Variants in GORASP2 observed in about 807,000 individuals in gnomAD.
The protein encoded by GORASP2 is golgi reassembly stacking protein 2.
GORASP2 carries 22 observed loss-of-function variants against 45.7 expected under a neutral mutation model. The ratio of observed to expected loss-of-function variants is 0.48; its 90% CI spans 0.34 to 0.69. The LOEUF (loss-of-function observed/expected upper bound fraction) is 0.69, where lower values mean the gene tolerates loss of function less well. GORASP2 is among the 30% of genes least tolerant of loss of function. GORASP2 has a pLI of 0.01. For missense variants in GORASP2, 491 were observed against 562.7 expected (o/e 0.87, Z 1.29); for synonymous variants, 221 against 215.6 (o/e 1.02, Z -0.22).
intron 5 of GORASP2, chr2:170,954,340 A>G (rs549494463): frequency 4.6e-6 from 1 of 217,028 alleles, no homozygotes; most frequent in African/African-American, 2.3e-5. Context: ...GGGGAGATAG[A>G]TAGTAAATAA....
chr2:170,951,850 C>G (rs1704307489), intron 5 of GORASP2, among the ~76,000 whole-genome samples: 1 of 152,214 alleles, frequency 6.6e-6, no homozygotes, highest in African/African-American at 2.4e-5. Flanking sequence ...CTCACAGTAT[C>G]TTTACCCACA....
At chr2:170,936,794 G>A in intron 1 of GORASP2, 1 of 439,958 alleles carries the variant, frequency 2.3e-6, no homozygotes, top group Non-Finnish European at 4.4e-6. Flanking sequence ...CTCAATAAAA[G>A]CAAAATTGTC....
intron 1 of GORASP2, among the ~76,000 whole-genome samples, chr2:170,947,426 C>A (rs767369449): frequency 6.6e-6 from 1 of 152,184 alleles, no homozygotes; most frequent in Admixed American, 6.5e-5. Flanking sequence ...TTTGAATGTT[C>A]TACCCTCTTT....
At chr2:170,943,704 G>C (rs1704125135) in intron 1 of GORASP2, among the ~76,000 whole-genome samples, 1 of 152,064 alleles carries the variant, frequency 6.6e-6, no homozygotes. Flanking sequence ...ATGGAGCCTT[G>C]CTCTGTCGCC....
chr2:170,936,674 C>T (rs1318582418), intron 1 of GORASP2: 2 of 1,293,278 alleles, frequency 1.5e-6, no homozygotes, highest in Non-Finnish European at 2.0e-6. Flanking sequence ...GAAGCTTAAG[C>T]CGGGCATAAT....
At chr2:170,963,561 T>G (rs544504119) in intron 9 of GORASP2, among the ~76,000 whole-genome samples, 2 of 143,632 alleles carry the variant, frequency 1.4e-5, no homozygotes, top group South Asian at 4.4e-4. Flanking sequence ...TTAATGAAAG[T>G]GTACAGGCTG....
Position 170,954,789 on chromosome 2 carries a change from T to A in GORASP2, c.699+7T>A. 1 of 1,607,194 alleles carries A rather than the reference T, an allele frequency of 6.2e-7. No homozygotes were observed. The highest frequency in any genetic ancestry group is 8.5e-7 in the Non-Finnish European group (1 of 1,175,928). On this transcript the variant is annotated splice_region_variant and intron_variant, in intron 6 of 9. Transcript: ENST00000234160. ...TAAAGATGGGTTTACAGAGGTAAGA[T>A]CACGTTCCTACCTGAGTATATCATA... is the stretch of plus-strand genomic sequence containing the variant.
At chr2:170,930,483 C>T (rs1259562847) in intron 1 of GORASP2, among the ~76,000 whole-genome samples, 3 of 152,182 alleles carry the variant, frequency 2.0e-5, no homozygotes, top group African/African-American at 7.2e-5. Context: ...ACCTTCATTT[C>T]CTGCCCTGGG....
At chr2:170,960,355 G>A (rs559464236) in intron 7 of GORASP2, among the ~76,000 whole-genome samples, 12 of 152,214 alleles carry the variant, frequency 7.9e-5, no homozygotes, top group Non-Finnish European at 1.3e-4. Flanking sequence ...ACCTGCCTTC[G>A]AAAAATTGTT....
chr2:170,956,306 G>A, intron 6 of GORASP2, 130 bp from the exon 7 acceptor site: 1 of 723,496 alleles, frequency 1.4e-6, no homozygotes. Context: ...AGGCAGACGT[G>A]CCAGATGAAG....
intron 6 of GORASP2, among the ~76,000 whole-genome samples, chr2:170,955,902 A>G (rs1188056890): frequency 6.6e-6 from 1 of 151,916 alleles, no homozygotes; most frequent in East Asian, 1.9e-4. Flanking sequence ...GTCCATAGAG[A>G]CTCCTTTTTT....
intron 1 of GORASP2, among the ~76,000 whole-genome samples, chr2:170,932,721 A>G (rs1208947637): frequency 6.6e-6 from 1 of 152,248 alleles, no homozygotes; most frequent in Admixed American, 6.5e-5. Context: ...ATACTGTTGA[A>G]GTATTTCTCT....
intron 5 of GORASP2, 61 bp from the exon 6 acceptor site, chr2:170,954,589 A>AAC: frequency 6.7e-7 from 1 of 1,484,700 alleles, no homozygotes; most frequent in Non-Finnish European, 9.2e-7. Flanking sequence ...CCCAAAAAAA[A>AAC]CACCTCAAAG....
chr2:170,930,004 C>T (rs868384520), intron 1 of GORASP2: 1 of 323,690 alleles, frequency 3.1e-6, no homozygotes, highest in African/African-American at 2.3e-5. Context: ...CGTGCCACTC[C>T]TGACCCTCCC....
chr2:170,936,735 G>A, intron 1 of GORASP2: 1 of 885,998 alleles, frequency 1.1e-6, no homozygotes, highest in Non-Finnish European at 1.6e-6. Context: ...GAGGTGAGGT[G>A]GGGGCCCAAG....
At chr2:170,945,495 T>C (rs1171661764) in intron 1 of GORASP2, among the ~76,000 whole-genome samples, 1 of 117,428 alleles carries the variant, frequency 8.5e-6, no homozygotes, top group African/African-American at 2.9e-5. Context: ...GAGTGGGACC[T>C]TGTCTCAAAA....
intron 6 of GORASP2, 152 bp from the exon 7 acceptor site, chr2:170,956,284 G>GGGAGTGTCT (rs1429932003): frequency 3.3e-6 from 2 of 602,788 alleles, no homozygotes. Flanking sequence ...AAAATTAGGA[G>GGGAGTGTCT]GGAGTGTCTG....
intron 1 of GORASP2, chr2:170,929,831 C>T (rs1392594106): frequency 2.2e-6 from 1 of 460,720 alleles, no homozygotes; most frequent in Non-Finnish European, 4.5e-6. Flanking sequence ...GGGATCCGGA[C>T]CCGCAGTCCG....
intron 7 of GORASP2, 94 bp downstream of exon 7, chr2:170,956,653 G>A: frequency 2.8e-6 from 3 of 1,082,898 alleles, no homozygotes; most frequent in South Asian, 1.6e-5. Flanking sequence ...GCTCACACCT[G>A]TAATCCCAGC....
Sources: allele counts gnomAD v4.1 joint callset (sites outside exome capture counted in the v4.1 genomes callset), GRCh38; gene constraint gnomAD v4.1.1; transcripts MANE v1.5; gene names NCBI Gene and HGNC (gene_info 2026-07-23, HGNC 2026-07-21).